ARID1B: variants seen among roughly 807,000 people sequenced by gnomAD.
ARID1B encodes AT-rich interaction domain 1B, also known as AT-rich interactive domain-containing protein 1B.
Under a neutral mutation model 212.3 loss-of-function variants are expected in ARID1B, and 30 were observed. The observed-to-expected ratio is 0.14, with a 90% confidence interval of 0.11 to 0.19. The LOEUF (loss-of-function observed/expected upper bound fraction) is 0.19. ARID1B is among the 10% of genes least tolerant of loss of function. The pLI, the probability that ARID1B is intolerant of heterozygous loss-of-function variation, is 1.00. For missense variants in ARID1B, 2,891 were observed against 3,204.0 expected (o/e 0.90, Z 2.36); for synonymous variants, 1,402 against 1,301.7 (o/e 1.08, Z -1.66).
intron 1 of ARID1B, among the ~76,000 whole-genome samples, chr6:156,793,317 T>G (rs1259226600): frequency 6.6e-6 from 1 of 152,126 alleles, no homozygotes. Flanking sequence ...TGTCAGGGTG[T>G]CCGTGAGTCA....
chr6:157,010,544 TCTC>T (rs1779535568), intron 4 of ARID1B, among the ~76,000 whole-genome samples: 1 of 151,850 alleles, frequency 6.6e-6, no homozygotes, highest in Admixed American at 6.6e-5. Flanking sequence ...GACGGTCTCA[TCTC>T]CTGACCTCAT....
intron 8 of ARID1B, chr6:157,149,177 A>C (rs1201467544): frequency 3.5e-6 from 2 of 564,844 alleles, no homozygotes; most frequent in Non-Finnish European, 6.3e-6. Flanking sequence ...AGCGGTGAGC[A>C]CATCAGTCGT....
intron 2 of ARID1B, among the ~76,000 whole-genome samples, chr6:156,854,743 G>C (rs1784805561): frequency 6.6e-6 from 1 of 152,264 alleles, no homozygotes. Flanking sequence ...TGTTGTGTTT[G>C]AATATATAGG....
At chr6:156,957,833 A>G (rs1343829403) in intron 4 of ARID1B, among the ~76,000 whole-genome samples, 3 of 151,952 alleles carry the variant, frequency 2.0e-5, no homozygotes, top group Admixed American at 2.0e-4. Context: ...GCTGATGGAG[A>G]TAATGACACC....
chr6:157,039,867 TTTCTC>T (rs1195837356), intron 4 of ARID1B, among the ~76,000 whole-genome samples: 1 of 79,332 alleles, frequency 1.3e-5, no homozygotes, highest in South Asian at 3.5e-4. Context: ...TTTCTCTCTC[TTTCTC>T]TTTCTTTTCT....
chr6:157,161,427 G>GTA (rs1259094120), intron 8 of ARID1B, among the ~76,000 whole-genome samples: 1 of 130,054 alleles, frequency 7.7e-6, no homozygotes, highest in Non-Finnish European at 1.6e-5. Context: ...TTGATTGTGT[G>GTA]TGTGTATATA....
intron 5 of ARID1B, among the ~76,000 whole-genome samples, chr6:157,089,017 G>T (rs1452484910): frequency 2.0e-5 from 3 of 151,996 alleles, no homozygotes; most frequent in Non-Finnish European, 4.4e-5. Flanking sequence ...CTTCTCTCCT[G>T]TTGCTTCCTG....
In ARID1B at chr6:156,962,402, A is replaced by G. The variant is rs190562876; in HGVS notation, c.2247+26826A>G. Among the ~76,000 whole-genome samples, 290 of 152,230 alleles carry G rather than the reference A, an allele frequency of 1.9e-3. 1 individual carries two copies. Among genetic ancestry groups the G allele is most frequent in the African/African-American group, 6.4e-3 (264 of 41,540 alleles). On this transcript the variant is annotated intron_variant, in intron 4 of 19. Transcript: ENST00000636930. Reference sequence around the variant, plus strand: ...CTAAAAAGCTGTGTTATAAAATTTTATTTTTTAATTTTAGAAAAAGTTTTC... The same window carrying G: ...CTAAAAAGCTGTGTTATAAAATTTTGTTTTTTAATTTTAGAAAAAGTTTTC...
chr6:157,190,214 C>T lies in ARID1B; in HGVS notation c.4231+4C>T, dbSNP rs771252266. 4 of 1,605,782 alleles carry T rather than the reference C, an allele frequency of 2.5e-6. No homozygotes were observed. Among genetic ancestry groups the T allele is most frequent in the Middle Eastern group, 1.7e-4 (1 of 6,008 alleles). ...CCCTTTGGGGGAATGAGAAAAGGTA[C>T]GTGTAGAGGGGCCTCCACCCGGCCA... is the stretch of plus-strand genomic sequence containing the variant. On this transcript the variant is annotated splice_donor_region_variant and intron_variant, in intron 15 of 19. Transcript: ENST00000636930. This position sits in a 1 kb window ranked among gnomAD's most constrained non-coding sequence, Gnocchi z 4.6.
At chr6:156,892,270 C>G (rs1338180614) in intron 2 of ARID1B, among the ~76,000 whole-genome samples, 2 of 151,990 alleles carry the variant, frequency 1.3e-5, no homozygotes. Flanking sequence ...TATGACTTGC[C>G]TTACATATTT....
rs575631203 is a variant in ARID1B, at chr6:157,153,410, G to A, written c.3089+4459G>A. Among the ~76,000 whole-genome samples, 40 of 152,290 alleles carry A rather than the reference G, an allele frequency of 2.6e-4. No homozygotes were observed. In the South Asian group the frequency reaches 7.9e-3, roughly 30 times the overall value. On this transcript the variant is annotated intron_variant, in intron 8 of 19. Transcript: ENST00000636930. ...TACCCTTTTTATCTGAAAATGCATT[G>A]TTGTGTACAGTTTTAAAGCATTGCT...
intron 1 of ARID1B, among the ~76,000 whole-genome samples, chr6:156,793,565 G>GCCTCAAGCAGTTCTCCTGC (rs1053351803): frequency 1.3e-5 from 2 of 152,048 alleles, no homozygotes; most frequent in African/African-American, 4.8e-5. Context: ...TGGACTCCTG[G>GCCTCAAGCAGTTCTCCTGC]CCTCAAGCAG....
At chr6:156,860,269 C>T (rs1167400614) in intron 2 of ARID1B, among the ~76,000 whole-genome samples, 2 of 151,374 alleles carry the variant, frequency 1.3e-5, no homozygotes, top group East Asian at 3.9e-4. Flanking sequence ...ATTTGATGTT[C>T]AGAATTTATT....
At chr6:157,130,338 T>C (rs1332140418) in intron 6 of ARID1B, among the ~76,000 whole-genome samples, 2 of 152,196 alleles carry the variant, frequency 1.3e-5, no homozygotes, top group Non-Finnish European at 2.9e-5. Flanking sequence ...GAGACCCACA[T>C]GATCTCTATG....
intron 4 of ARID1B, among the ~76,000 whole-genome samples, chr6:156,963,292 A>G (rs1225480198): frequency 1.3e-5 from 2 of 152,118 alleles, no homozygotes; most frequent in African/African-American, 4.8e-5. Context: ...AAATCGCTCT[A>G]CTGGTTATCC....
At chr6:157,150,531 C>T (rs773607171) in intron 8 of ARID1B, 1 of 160,624 alleles carries the variant, frequency 6.2e-6, no homozygotes, top group African/African-American at 2.4e-5. Flanking sequence ...TTACTTTTCT[C>T]TGCCTGTCCC....
intron 2 of ARID1B, among the ~76,000 whole-genome samples, chr6:156,838,732 T>TAATAATAAA (rs1229798384): frequency 7.4e-4 from 111 of 149,240 alleles, no homozygotes; most frequent in African/African-American, 2.5e-3. Context: ...ATAATAATAA[T>TAATAATAAA]AAACAAAAAA....
At chr6:156,796,426 T>C (rs1462736289) in intron 1 of ARID1B, among the ~76,000 whole-genome samples, 2 of 151,232 alleles carry the variant, frequency 1.3e-5, no homozygotes, top group South Asian at 2.1e-4. Context: ...TTTAAACTTA[T>C]GAAGGGACTG....
chr6:156,805,498 A>G (rs973176106), intron 1 of ARID1B, among the ~76,000 whole-genome samples: 2 of 152,166 alleles, frequency 1.3e-5, no homozygotes, highest in Non-Finnish European at 2.9e-5. Flanking sequence ...GAGGAAACCT[A>G]GCAGGTTTAC....
Sources: allele counts gnomAD v4.1 joint callset (sites outside exome capture counted in the v4.1 genomes callset), GRCh38; gene constraint gnomAD v4.1.1; non-coding constraint Gnocchi (gnomAD v3.1); transcripts MANE v1.5; gene names NCBI Gene and HGNC (gene_info 2026-07-23, HGNC 2026-07-21).